NFIB: variants seen among roughly 807,000 people sequenced by gnomAD.
The protein encoded by NFIB is nuclear factor I B, also known as nuclear factor 1 B-type.
NFIB carries 11 observed loss-of-function variants against 61.5 expected under a neutral mutation model. That is an observed-to-expected ratio of 0.18 (90% CI 0.11 to 0.30). NFIB has a LOEUF of 0.30. Ranked by LOEUF, NFIB falls within the 10% of genes least tolerant of loss-of-function variation. NFIB has a pLI of 1.00. For missense variants in NFIB, 471 were observed against 608.9 expected, an observed-to-expected ratio of 0.77 and a Z score of 2.38; for synonymous variants, 260 against 216.5, an observed-to-expected ratio of 1.20 and a Z score of -1.76.
At chr9:14,112,897 G>A in intron 10 of NFIB, 102 bp downstream of exon 10, 2 of 1,059,968 alleles carry the variant, frequency 1.9e-6, no homozygotes, top group Non-Finnish European at 2.7e-6. Context: ...GGTCTCAGAA[G>A]CCCCGGGAGC....
In NFIB at chr9:14,274,046, C is replaced by T. The variant is rs920288271; in HGVS notation, c.562+32943G>A. On this transcript the variant is annotated intron_variant, in intron 2 of 10. Coordinates refer to ENST00000380953, the MANE Select transcript of NFIB (RefSeq NM_001190737.2). ...TTTGGAAGTCTTGTTAAAAGAGCCA[C>T]GATACTGCAAGCCTAACTTGAAGTG... 7.9e-5 allele frequency among the ~76,000 whole-genome samples: 12 copies of T among 152,120 alleles called. 1 individual carries two copies. The highest frequency in any genetic ancestry group is 2.4e-4 in the African/African-American group (10 of 41,412).
intron 1 of NFIB, among the ~76,000 whole-genome samples, chr9:14,308,953 A>G (rs2060156783): frequency 1.3e-5 from 2 of 152,210 alleles, no homozygotes; most frequent in Admixed American, 1.3e-4. Context: ...GTTCAAAGAG[A>G]AAGAGCTTAA....
At chr9:14,485,571 T>C in the NFIB span, among the ~76,000 whole-genome samples, 4 of 152,204 alleles carry the variant, frequency 2.6e-5, no homozygotes, top group African/African-American at 7.2e-5. Context: ...GATGTAGTGA[T>C]GACTAATACA....
chr9:14,231,133 AAAATATATATATATAT>A (rs1241421480), intron 2 of NFIB, among the ~76,000 whole-genome samples: 3 of 67,212 alleles, frequency 4.5e-5, no homozygotes, highest in African/African-American at 1.8e-4. Flanking sequence ...AAAAAAAAAA[AAAATATATATATATAT>A]ATATATATAT....
intron 1 of NFIB, among the ~76,000 whole-genome samples, chr9:14,388,323 T>C (rs1412080983): frequency 8.3e-6 from 1 of 120,932 alleles, no homozygotes; most frequent in East Asian, 2.5e-4. Flanking sequence ...TGCAGTCAGC[T>C]GTGATGACGC....
chr9:14,513,512 T>C, the NFIB span, among the ~76,000 whole-genome samples: 2 of 151,408 alleles, frequency 1.3e-5, no homozygotes, highest in Non-Finnish European at 2.9e-5. Context: ...CCTGTAATCC[T>C]AGCTACTCAA....
chr9:14,408,666 G>C, the NFIB span, among the ~76,000 whole-genome samples: 2 of 152,150 alleles, frequency 1.3e-5, no homozygotes, highest in African/African-American at 4.8e-5. Context: ...AACGAAAGTT[G>C]GATGTTTTAT....
At chr9:14,370,185 A>G (rs545293125) in intron 1 of NFIB, among the ~76,000 whole-genome samples, 8 of 152,130 alleles carry the variant, frequency 5.3e-5, no homozygotes, top group African/African-American at 1.9e-4. Context: ...GCTCAATATC[A>G]CATCCTGGGT....
the NFIB span, among the ~76,000 whole-genome samples, chr9:14,446,153 T>A: frequency 2.0e-5 from 3 of 152,160 alleles, no homozygotes; most frequent in Non-Finnish European, 4.4e-5. Flanking sequence ...TTAAGGTAAT[T>A]TCCTCATTTT....
the NFIB span, among the ~76,000 whole-genome samples, chr9:14,465,956 G>A: frequency 6.6e-6 from 1 of 152,186 alleles, no homozygotes; most frequent in Non-Finnish European, 1.5e-5. Context: ...CTCTAATGAA[G>A]CTCATGGAGG....
the NFIB span, among the ~76,000 whole-genome samples, chr9:14,421,748 C>T: frequency 6.6e-6 from 1 of 152,200 alleles, no homozygotes; most frequent in Admixed American, 6.5e-5. Flanking sequence ...CATTTTGATA[C>T]ACCTTTATAG....
At chr9:14,142,351 G>A (rs1040985278) in intron 6 of NFIB, among the ~76,000 whole-genome samples, 5 of 152,096 alleles carry the variant, frequency 3.3e-5, no homozygotes, top group Non-Finnish European at 5.9e-5. Flanking sequence ...ATCCATATAA[G>A]ACGTGACTTG....
At chr9:14,233,457 TC>T in intron 2 of NFIB, among the ~76,000 whole-genome samples, 1 of 142,264 alleles carries the variant, frequency 7.0e-6, no homozygotes, top group Non-Finnish European at 1.5e-5. Context: ...AGATGGAGTC[TC>T]ACTCTGTCGC....
intron 3 of NFIB, among the ~76,000 whole-genome samples, chr9:14,178,960 GGTTTT>G (rs936867050): frequency 2.0e-5 from 3 of 151,928 alleles, no homozygotes; most frequent in Admixed American, 2.0e-4. Context: ...TTTTGTGTTT[GGTTTT>G]GTTTTTGTTA....
intron 3 of NFIB, among the ~76,000 whole-genome samples, chr9:14,162,133 A>C (rs2044269983): frequency 6.6e-6 from 1 of 152,186 alleles, no homozygotes; most frequent in African/African-American, 2.4e-5. Context: ...ATAAATACAC[A>C]AACATTAAAA....
At chr9:14,101,084 T>C (rs1268888857) in intron 10 of NFIB, among the ~76,000 whole-genome samples, 1 of 152,230 alleles carries the variant, frequency 6.6e-6, no homozygotes, top group Non-Finnish European at 1.5e-5. Flanking sequence ...AAAATGTATA[T>C]TAATTCAGAA....
chr9:14,233,169 G>T (rs922699223), intron 2 of NFIB, among the ~76,000 whole-genome samples: 1 of 152,160 alleles, frequency 6.6e-6, no homozygotes, highest in Non-Finnish European at 1.5e-5. Flanking sequence ...ATGTAGTTTA[G>T]CCATAAAGAT....
intron 2 of NFIB, among the ~76,000 whole-genome samples, chr9:14,198,601 C>A (rs4628344): frequency 6.6e-6 from 1 of 152,036 alleles, no homozygotes; most frequent in Non-Finnish European, 1.5e-5. Flanking sequence ...TAGTGAGCAT[C>A]AGATTCACCT....
At chr9:14,480,321 T>C in the NFIB span, among the ~76,000 whole-genome samples, 2 of 152,148 alleles carry the variant, frequency 1.3e-5, no homozygotes, top group East Asian at 1.9e-4. Flanking sequence ...AGCTGTACCA[T>C]GCTGCTTCTT....
Sources: allele counts gnomAD v4.1 joint callset (sites outside exome capture counted in the v4.1 genomes callset), GRCh38; gene constraint gnomAD v4.1.1; transcripts MANE v1.5; gene names NCBI Gene and HGNC (gene_info 2026-07-23, HGNC 2026-07-21).